ZNF609: variants seen among roughly 807,000 people sequenced by gnomAD.
ZNF609 encodes the protein zinc finger protein 609.
Under a neutral mutation model 109.5 loss-of-function variants are expected in ZNF609, and 11 were observed. The ratio of observed to expected loss-of-function variants is 0.10; its 90% confidence interval spans 0.06 to 0.17. The LOEUF (loss-of-function observed/expected upper bound fraction) is 0.17. ZNF609 is among the 10% of genes least tolerant of loss of function. ZNF609 has a pLI of 1.00. For missense variants in ZNF609, 1,559 were observed against 1,772.4 expected (o/e 0.88, Z 2.16); for synonymous variants, 646 against 662.0 (o/e 0.98, Z 0.37).
chr15:64,542,992 G>T (rs1430795544), intron 2 of ZNF609, among the ~76,000 whole-genome samples: 1 of 152,050 alleles, frequency 6.6e-6, no homozygotes, highest in African/African-American at 2.4e-5. Flanking sequence ...GGGCCTGTCA[G>T]CGGGTGGGGG....
At chr15:64,635,162 G>C (rs1896155865) in intron 3 of ZNF609, among the ~76,000 whole-genome samples, 1 of 152,172 alleles carries the variant, frequency 6.6e-6, no homozygotes, top group Non-Finnish European at 1.5e-5. Flanking sequence ...AGCACAGTCA[G>C]GCAGTATATA....
chr15:64,490,387 C>T (rs1190791981), intron 1 of ZNF609, among the ~76,000 whole-genome samples: 5 of 151,762 alleles, frequency 3.3e-5, no homozygotes, highest in African/African-American at 9.7e-5. Flanking sequence ...GATTCTCCTG[C>T]CTCAGCCTCC....
intron 1 of ZNF609, among the ~76,000 whole-genome samples, chr15:64,489,852 T>C (rs577016): frequency 0.96 from 145,672 of 152,282 alleles, 69,917 homozygotes; most frequent in East Asian, 1. Flanking sequence ...AATTTGACAT[T>C]ACCACCTCCT....
chr15:64,488,772 C>G (rs73452261), intron 1 of ZNF609, among the ~76,000 whole-genome samples: 4,792 of 152,144 alleles, frequency 0.031, 121 homozygotes, highest in African/African-American at 0.067. Context: ...TTCCCTGAGA[C>G]TATGAATTTG....
At chr15:64,676,394 C>T in intron 5 of ZNF609, 138 bp downstream of exon 5, 1 of 686,774 alleles carries the variant, frequency 1.5e-6, no homozygotes, top group Non-Finnish European at 2.3e-6. Context: ...GGATTCTTTA[C>T]CTTTGTAAAC....
intron 2 of ZNF609, among the ~76,000 whole-genome samples, chr15:64,569,226 T>C (rs1219595459): frequency 2.6e-5 from 4 of 152,232 alleles, no homozygotes; most frequent in East Asian, 1.9e-4. Context: ...TTGATTTTCA[T>C]TGTGGCATTT....
chr15:64,525,789 C>CTT (rs113673431), intron 2 of ZNF609, among the ~76,000 whole-genome samples: 12 of 144,846 alleles, frequency 8.3e-5, no homozygotes, highest in African/African-American at 2.3e-4. Context: ...TGCCCTTTTT[C>CTT]TTTTTTTTTT....
chr15:64,518,873 G>T (rs954484813), intron 2 of ZNF609, among the ~76,000 whole-genome samples: 5 of 152,038 alleles, frequency 3.3e-5, no homozygotes, highest in African/African-American at 1.2e-4. Flanking sequence ...AGTTTGCAGG[G>T]AATGATAATG....
At chr15:64,583,285 G>A (rs914935544) in intron 2 of ZNF609, among the ~76,000 whole-genome samples, 3 of 151,618 alleles carry the variant, frequency 2.0e-5, no homozygotes, top group African/African-American at 7.3e-5. Flanking sequence ...AGAGCTTGCA[G>A]TGAGCCAAGA....
At chr15:64,616,094 T>C (rs1480646985) in intron 2 of ZNF609, among the ~76,000 whole-genome samples, 2 of 152,068 alleles carry the variant, frequency 1.3e-5, no homozygotes, top group East Asian at 1.9e-4. Context: ...TCATAGCTGC[T>C]GCCTCATCCT....
intron 4 of ZNF609, among the ~76,000 whole-genome samples, chr15:64,671,672 G>A (rs1442444182): frequency 6.6e-6 from 1 of 152,148 alleles, no homozygotes; most frequent in African/African-American, 2.4e-5. Context: ...GGAAATCCAG[G>A]CGTTGAGGGT....
intron 1 of ZNF609, among the ~76,000 whole-genome samples, chr15:64,492,992 C>T (rs1350964044): frequency 1.3e-5 from 2 of 152,142 alleles, no homozygotes; most frequent in Non-Finnish European, 2.9e-5. Context: ...GATTATAATT[C>T]ATATATAACT....
In ZNF609 at chr15:64,674,940, C is replaced by T; in HGVS notation, c.2086C>T (p.Pro696Ser). The part of the protein sequence containing the change: ...GLTATVAQAM[P>S]NSPQLKPIQP... Reference sequence around the variant, plus strand: ...GACCGCCACAGTGGCACAAGCCATGCCCAACAGTCCCCAACTCAAGCCCAT... The same window carrying T: ...GACCGCCACAGTGGCACAAGCCATGTCCAACAGTCCCCAACTCAAGCCCAT... Residue 696 changes from proline to serine, a missense_variant, in exon 5 of 10, where the codon CCC becomes TCC. Pro to Ser is a moderately conservative substitution (Grantham distance 74). This residue lies in a region of ZNF609 where 1,204 missense variants were observed against 1,314.1 expected (regional missense o/e 0.92). Transcript: ENST00000326648. The T allele has an allele frequency of 6.2e-7, 1 of 1,614,060 alleles. No homozygotes were observed. Among genetic ancestry groups the T allele is most frequent in the South Asian group, 1.1e-5 (1 of 91,078 alleles).
At chr15:64,536,766 A>C (rs1894153686) in intron 2 of ZNF609, among the ~76,000 whole-genome samples, 1 of 150,458 alleles carries the variant, frequency 6.6e-6, no homozygotes, top group Non-Finnish European at 1.5e-5. Flanking sequence ...GCAAGGTGGC[A>C]TGCAGGCCTG....
intron 3 of ZNF609, among the ~76,000 whole-genome samples, chr15:64,623,707 C>A (rs749022227): frequency 1.3e-5 from 2 of 152,102 alleles, no homozygotes; most frequent in Non-Finnish European, 2.9e-5. Context: ...CCCCTGAGAA[C>A]GGAATCTATT....
intron 2 of ZNF609, among the ~76,000 whole-genome samples, chr15:64,523,987 G>A (rs1893930923): frequency 6.7e-6 from 1 of 150,228 alleles, no homozygotes; most frequent in Non-Finnish European, 1.5e-5. Context: ...TTTTTTGGAA[G>A]AGGTTAGCTA....
Position 64,683,239 on chromosome 15 carries a change from T to C in ZNF609, c.*1553T>C, listed in dbSNP as rs1052140044. ...AGATAAAGACTGACAGACACCAGTG[T>C]AGGCTGGAAAAGGGAGTGTGTGACC... On this transcript the variant is annotated 3_prime_UTR_variant, in exon 10 of 10. Transcript: ENST00000326648. 5 of 152,570 alleles carry C rather than the reference T, an allele frequency of 3.3e-5. No individual in the cohort carries two copies. The highest frequency in any genetic ancestry group is 1.2e-4 in the African/African-American group (5 of 41,412). 9.5% of individuals were successfully genotyped at this position (152,570 alleles called of 1,614,324 possible).
chr15:64,508,455 C>T (rs1297207681), intron 2 of ZNF609, among the ~76,000 whole-genome samples: 1 of 152,130 alleles, frequency 6.6e-6, no homozygotes, highest in East Asian at 1.9e-4. Flanking sequence ...TTTAAGCTGT[C>T]AGACCCTGGA....
intron 2 of ZNF609, among the ~76,000 whole-genome samples, chr15:64,586,267 G>A (rs572186534): frequency 5.3e-4 from 80 of 151,812 alleles, no homozygotes; most frequent in African/African-American, 1.5e-3. Context: ...CAGAGGTTGC[G>A]GTGAGCCGAG....
Sources: gnomAD v4.1 joint callset for allele counts (sites outside exome capture counted in the v4.1 genomes callset) on GRCh38, gnomAD v4.1.1 for gene constraint, gnomAD v4.1.1 regional missense constraint, MANE v1.5 for transcripts, NCBI Gene and HGNC (gene_info 2026-07-23, HGNC 2026-07-21) for gene names.